Variants in ZNF407 observed in about 807,000 individuals in gnomAD.
The protein encoded by ZNF407 is zinc finger protein 407.
In ZNF407, 17 loss-of-function variants were observed where a neutral mutation model predicts 131.2. The observed-to-expected ratio is 0.13, with a 90% CI of 0.09 to 0.19. The LOEUF (loss-of-function observed/expected upper bound fraction) is 0.19. Among genes scored for constraint, ZNF407 ranks in the 10% least tolerant of loss-of-function variants. The pLI, the probability that ZNF407 is intolerant of heterozygous loss-of-function variation, is 1.00. For synonymous variants in ZNF407, 1,156 were observed against 1,062.0 expected, an observed-to-expected ratio of 1.09 and a Z score of -1.72; for missense variants, 2,681 against 2,830.6, an observed-to-expected ratio of 0.95 and a Z score of 1.20.
rs141961791 is a variant in ZNF407 at position 74,678,707 on chromosome 18, G to A, written c.4802+37585G>A. On this transcript the variant is annotated intron_variant, in intron 3 of 8. Transcript: ENST00000299687. ...CACGAGGGTTGGTCCAAATTGCCTC[G>A]TTTGAAATTAACAGAAGCTCTTGTG... 2.7e-3 allele frequency among the ~76,000 whole-genome samples: 409 copies of A among 152,186 alleles called. 2 individuals are homozygous for A. The highest frequency in any genetic ancestry group is 9.2e-3 in the African/African-American group (382 of 41,520).
chr18:74,936,587 G>C (rs953101872), intron 8 of ZNF407, among the ~76,000 whole-genome samples: 2 of 152,238 alleles, frequency 1.3e-5, no homozygotes, highest in South Asian at 4.2e-4. Context: ...ACTCCGTAAG[G>C]GGAACTCAGG....
intron 8 of ZNF407, chr18:75,062,861 T>G: frequency 3.1e-5 from 8 of 257,496 alleles, no homozygotes; most frequent in Non-Finnish European, 5.8e-5. Context: ...TCCCTGGGCA[T>G]TGGAGAGGCG....
chr18:74,631,880 A>G lies in ZNF407; in HGVS notation c.861A>G (p.Gln287=), dbSNP rs1464602740. The G allele has an allele frequency of 3.1e-6, 5 of 1,613,724 alleles. No individual in the cohort carries two copies. Among genetic ancestry groups the G allele is most frequent in the Admixed American group, 1.7e-5 (1 of 59,964 alleles). The change falls in exon 2 of 9, where the codon CAA becomes CAG. Residue 287 remains glutamine, a synonymous_variant. Transcript: ENST00000299687. ...RGGFVQILTK[Q]PFPKKSRTMA... ...GATTTGTACAGATCTTAACAAAACAACCTTTTCCTAAAAAATCACGTACAA... is the reference window on the plus strand; with the variant it reads ...GATTTGTACAGATCTTAACAAAACAGCCTTTTCCTAAAAAATCACGTACAA...
intron 8 of ZNF407, among the ~76,000 whole-genome samples, chr18:74,982,801 AAAAG>A (rs1174552439): frequency 6.6e-6 from 1 of 152,270 alleles, no homozygotes; most frequent in African/African-American, 2.4e-5. Context: ...TGTAAAATAA[AAAAG>A]AAACTTTTAT....
intron 4 of ZNF407, chr18:74,804,770 A>C (rs911230877): frequency 3.5e-6 from 1 of 288,966 alleles, no homozygotes; most frequent in Non-Finnish European, 5.2e-6. Flanking sequence ...CTTAGGAAAA[A>C]ATTTCTTTTC....
At chr18:75,007,711 C>A (rs549097764) in intron 8 of ZNF407, among the ~76,000 whole-genome samples, 2 of 152,148 alleles carry the variant, frequency 1.3e-5, no homozygotes, top group African/African-American at 4.8e-5. Context: ...GTGCTTTGCT[C>A]AGAGCCAAGG....
chr18:74,804,134 A>C, intron 4 of ZNF407: 1 of 1,489,850 alleles, frequency 6.7e-7, no homozygotes, highest in Middle Eastern at 1.8e-4. Flanking sequence ...GACATATTTC[A>C]TTGTCTTTTT....
At chr18:74,905,121 T>G (rs1971578574) in intron 7 of ZNF407, among the ~76,000 whole-genome samples, 3 of 152,256 alleles carry the variant, frequency 2.0e-5, no homozygotes, top group African/African-American at 7.2e-5. Context: ...GTTGAGGGCA[T>G]GACCACAGTG....
chr18:75,004,439 A>G (rs1485086485), intron 8 of ZNF407, among the ~76,000 whole-genome samples: 1 of 152,216 alleles, frequency 6.6e-6, no homozygotes, highest in East Asian at 1.9e-4. Context: ...GAGACAAGCC[A>G]GAGCAGGACA....
At chr18:74,744,233 C>G (rs1968615494) in intron 3 of ZNF407, among the ~76,000 whole-genome samples, 1 of 152,122 alleles carries the variant, frequency 6.6e-6, no homozygotes, top group South Asian at 2.1e-4. Flanking sequence ...AGTGGGGCAC[C>G]TCCCCAAGAT....
chr18:74,614,755 T>G (rs1216785297), intron 1 of ZNF407, among the ~76,000 whole-genome samples: 3 of 152,232 alleles, frequency 2.0e-5, no homozygotes, highest in Non-Finnish European at 4.4e-5. Flanking sequence ...TGTAATTCTC[T>G]TGTTTTACAA....
At chr18:74,733,920 G>A (rs970670858) in intron 3 of ZNF407, among the ~76,000 whole-genome samples, 1 of 152,138 alleles carries the variant, frequency 6.6e-6, no homozygotes, top group African/African-American at 2.4e-5. Flanking sequence ...GCAACTGCTC[G>A]TTGCTCAGTC....
At chr18:74,639,558 G>A (rs1984614139) in intron 2 of ZNF407, among the ~76,000 whole-genome samples, 1 of 152,156 alleles carries the variant, frequency 6.6e-6, no homozygotes, top group Non-Finnish European at 1.5e-5. Context: ...TGTGATTGCT[G>A]TAAGCTGCAG....
At chr18:74,626,608 A>G (rs976553406) in intron 1 of ZNF407, among the ~76,000 whole-genome samples, 1 of 152,214 alleles carries the variant, frequency 6.6e-6, no homozygotes, top group African/African-American at 2.4e-5. Context: ...GAATATTCAT[A>G]GCAGCTTTCT....
chr18:74,786,892 G>A (rs1220899155), intron 4 of ZNF407, among the ~76,000 whole-genome samples: 2 of 119,840 alleles, frequency 1.7e-5, no homozygotes, highest in South Asian at 6.0e-4. Context: ...TGTGACCTCC[G>A]CCTCCCGGGT....
At chr18:74,778,596 T>C (rs1969524210) in intron 3 of ZNF407, among the ~76,000 whole-genome samples, 1 of 152,220 alleles carries the variant, frequency 6.6e-6, no homozygotes, top group Admixed American at 6.5e-5. Flanking sequence ...CTAGAACTGT[T>C]CCTTGCATAA....
chr18:74,880,237 A>G (rs866247408), intron 5 of ZNF407, among the ~76,000 whole-genome samples: 4 of 152,138 alleles, frequency 2.6e-5, no homozygotes, highest in Non-Finnish European at 4.4e-5. Context: ...TTGCATTTAT[A>G]AACTTAGGGC....
At chr18:74,618,832 A>T (rs1054455565) in intron 1 of ZNF407, among the ~76,000 whole-genome samples, 4 of 152,170 alleles carry the variant, frequency 2.6e-5, no homozygotes, top group African/African-American at 9.7e-5. Flanking sequence ...GTAATACTTA[A>T]GTTTTTCTCT....
At chr18:74,753,185 G>A (rs1968848083) in intron 3 of ZNF407, among the ~76,000 whole-genome samples, 1 of 152,158 alleles carries the variant, frequency 6.6e-6, no homozygotes, top group Admixed American at 6.5e-5. Context: ...CTCTCTGTTT[G>A]TCTGTTATTG....
Sources: allele counts gnomAD v4.1 joint callset (sites outside exome capture counted in the v4.1 genomes callset), GRCh38; gene constraint gnomAD v4.1.1; transcripts MANE v1.5; gene names NCBI Gene and HGNC (gene_info 2026-07-23, HGNC 2026-07-21).